The following VEGFB variants were observed in gnomAD, a reference collection of about 807,000 sequenced individuals.
The protein encoded by VEGFB is vascular endothelial growth factor B.
Under a neutral mutation model 22.5 loss-of-function variants are expected in VEGFB, and 24 were observed. The ratio of observed to expected loss-of-function variants is 1.07; its 90% CI spans 0.77 to 1.50. VEGFB has a LOEUF of 1.50. Ranked by LOEUF, VEGFB falls within the 40% of genes most tolerant of loss-of-function variation. VEGFB has a pLI of 0.00. For synonymous variants in VEGFB, 141 were observed against 117.4 expected (o/e 1.20, Z -1.30); for missense variants, 327 against 287.8 (o/e 1.14, Z -0.99).
In VEGFB at chr11:64,237,201, A is replaced by G. The variant is rs745334767; in HGVS notation, c.389A>G (p.Asp130Gly). The part of the protein sequence containing the change: ...SQCECRPKKK[D>G]SAVKPDRAAT... ...TTACTTTTCAGACCTAAAAAAAAGG[A>G]CAGTGCTGTGAAGCCAGACAGGTGA... Residue 130 changes from aspartate (D) to glycine (G), a missense_variant, in exon 5 of 7, where the codon GAC becomes GGC. Transcript: ENST00000309422. The G allele has an allele frequency of 3.1e-6, 5 of 1,607,178 alleles. No homozygotes were observed. In the South Asian group the frequency reaches 3.3e-5, roughly 11 times the overall value.
rs946052001 is a variant in VEGFB at position 64,234,772 on chromosome 11, C to T, written c.-62C>T. Reference sequence around the variant, plus strand: ...CGCCATGGGGCTCTGGCTGTCGCCGCCCCCCGCGCCGCCGGGCTAGGGCGA... The same window carrying T: ...CGCCATGGGGCTCTGGCTGTCGCCGTCCCCCGCGCCGCCGGGCTAGGGCGA... On this transcript the variant is annotated 5_prime_UTR_variant, in exon 1 of 7. Coordinates refer to ENST00000309422, the MANE Select transcript of VEGFB (RefSeq NM_003377.5). This position sits in a 1 kb window ranked among gnomAD's most constrained non-coding sequence, Gnocchi z 5.3. 3 of 793,898 alleles carry T rather than the reference C, an allele frequency of 3.8e-6. No individual in the cohort carries two copies. Among genetic ancestry groups the T allele is most frequent in the African/African-American group, 1.9e-5 (1 of 52,854 alleles). The allele number at this position is 793,898 out of a possible 1,614,324, so 49.2% of individuals were successfully genotyped here.
intron 4 of VEGFB, 49 bp downstream of exon 4, chr11:64,236,376 G>A (rs2030021169): frequency 1.3e-6 from 2 of 1,579,804 alleles, no homozygotes; most frequent in Non-Finnish European, 1.7e-6. Flanking sequence ...GGCTTGGGGG[G>A]TGCTGGGTAT....
chr11:64,236,277 C>G lies in VEGFB; in HGVS notation c.324C>G (p.Ser108Arg), dbSNP rs201075965. The G allele has an allele frequency of 6.2e-7, 1 of 1,613,972 alleles. No individual in the cohort carries two copies. The highest frequency in any genetic ancestry group is 1.3e-5 in the African/African-American group (1 of 75,052). ...RMQILMIRYP[S>R]SQLGEMSLEE... Reference sequence around the variant, plus strand: ...AGATCCTCATGATCCGGTACCCGAGCAGTCAGCTGGGGGAGATGTCCCTGG... The same window carrying G: ...AGATCCTCATGATCCGGTACCCGAGGAGTCAGCTGGGGGAGATGTCCCTGG... The change falls in exon 4 of 7, where the codon AGC becomes AGG. Residue 108 changes from serine to arginine, a missense_variant. Transcript: ENST00000309422.
At position 64,237,649 on chromosome 11, in the gene VEGFB, C is replaced by A; in HGVS notation, c.*16C>A. On this transcript the variant is annotated 3_prime_UTR_variant, in exon 6 of 7. Coordinates refer to ENST00000309422, the MANE Select transcript of VEGFB (RefSeq NM_003377.5). Reference sequence around the variant, plus strand: ...CGGGGCTTAGAGCTCAACCCAGACACCTGCAGGTGAGGCGTCTGTGGGGTG... The same window carrying A: ...CGGGGCTTAGAGCTCAACCCAGACAACTGCAGGTGAGGCGTCTGTGGGGTG... 1 of 1,527,814 alleles carries A rather than the reference C, an allele frequency of 6.5e-7. No homozygotes were observed. Among genetic ancestry groups the A allele is most frequent in the Non-Finnish European group, 8.8e-7 (1 of 1,136,544 alleles). 94.6% of individuals were successfully genotyped at this position (1,527,814 alleles called of 1,614,324 possible). A position where few individuals can be genotyped will look rare whatever the true frequency, so the allele number is the denominator to read the frequency against.
intron 2 of VEGFB, 71 bp from the exon 3 acceptor site, chr11:64,235,742 G>A: frequency 6.4e-7 from 1 of 1,571,844 alleles, no homozygotes; most frequent in South Asian, 1.1e-5. Context: ...CTTGGGGACT[G>A]GGGAGGACAG....
chr11:64,236,067 G>C, intron 3 of VEGFB, 58 bp downstream of exon 3: 1 of 1,537,898 alleles, frequency 6.5e-7, no homozygotes, highest in South Asian at 1.2e-5. Flanking sequence ...GTGGGGCAGC[G>C]GGCAGGGTGG....
At position 64,235,974 on chromosome 11, in the gene VEGFB, T is replaced by C; in HGVS notation, c.265T>C (p.Cys89Arg). 6.2e-7 allele frequency: 1 copy of C among 1,607,094 alleles called. No homozygotes were observed. Among genetic ancestry groups the C allele is most frequent in the African/African-American group, 1.3e-5 (1 of 74,792 alleles). ...GGCCPDDGLE[C>R]VPTGQHQVRM... ...CTGCTGCCCTGACGATGGCCTGGAG[T>C]GTGTGCCCACTGGGCAGCACCAAGT... Residue 89 changes from cysteine (C) to arginine (R), a missense_variant, in exon 3 of 7, where the codon TGT (cysteine) becomes CGT (arginine). Transcript: ENST00000309422.
At position 64,238,422 on chromosome 11, in the gene VEGFB, A is replaced by G; in HGVS notation, c.*89A>G. 1.3e-6 allele frequency: 2 copies of G among 1,535,916 alleles called. No individual in the cohort carries two copies. Among genetic ancestry groups the G allele is most frequent in the Non-Finnish European group, 8.7e-7 (1 of 1,146,672 alleles). On this transcript the variant is annotated 3_prime_UTR_variant, in exon 7 of 7. Coordinates refer to ENST00000309422, the MANE Select transcript of VEGFB (RefSeq NM_003377.5). ...AGCAGGGTGACTTGCCTCAGAGGCT[A>G]TATCCCAGTGGGGGAACAAAGAGGA... is the stretch of plus-strand genomic sequence containing the variant.
At chr11:64,237,006 C>G (rs558676492) in intron 4 of VEGFB, 181 bp from the exon 5 acceptor site, 8 of 458,308 alleles carry the variant, frequency 1.7e-5, no homozygotes, top group African/African-American at 9.5e-5. Context: ...TAGCTTGAAC[C>G]TGGGAGGCGG....
intron 6 of VEGFB, among the ~76,000 whole-genome samples, chr11:64,238,069 T>C (rs1385340717): frequency 1.3e-5 from 2 of 152,138 alleles, no homozygotes; most frequent in Non-Finnish European, 2.9e-5. Context: ...GGGGACATAG[T>C]GGAACCCTTG....
At chr11:64,235,789 T>G (rs186711632) in intron 2 of VEGFB, 24 bp from the exon 3 acceptor site, 2 of 1,613,048 alleles carry the variant, frequency 1.2e-6, no homozygotes, top group Non-Finnish European at 1.7e-6. Context: ...AGTGAGGACT[T>G]AACCCCTACC....
chr11:64,237,310 C>A, intron 5 of VEGFB, 88 bp downstream of exon 5: 1 of 1,499,524 alleles, frequency 6.7e-7, no homozygotes, highest in Non-Finnish European at 9.3e-7. Flanking sequence ...TCCCACCCGT[C>A]CCCCACTTTC....
At position 64,234,917 on chromosome 11, in the gene VEGFB, C is replaced by A; in HGVS notation, c.60+24C>A. 7.9e-7 allele frequency: 1 copy of A among 1,269,182 alleles called. No individual in the cohort carries two copies. The highest frequency in any genetic ancestry group is 2.6e-5 in the South Asian group (1 of 38,052). The allele number at this position is 1,269,182 out of a possible 1,614,324, so 78.6% of individuals were successfully genotyped here. On this transcript the variant is annotated intron_variant, in intron 1 of 6. Transcript: ENST00000309422. This position sits in a 1 kb window ranked among gnomAD's most constrained non-coding sequence, Gnocchi z 5.3. ...AGGTACGTGCGGCCCGACAGCGCGCCCGCCCGCCCGCCGTGCCCTCTCTCA... is the reference window on the plus strand; with the variant it reads ...AGGTACGTGCGGCCCGACAGCGCGCACGCCCGCCCGCCGTGCCCTCTCTCA...
At chr11:64,235,601 C>A in intron 2 of VEGFB, 101 bp downstream of exon 2, 2 of 1,364,312 alleles carry the variant, frequency 1.5e-6, no homozygotes, top group Non-Finnish European at 2.1e-6. Context: ...CTAGAAGATT[C>A]AAACTATTAT....
Position 64,236,290 on chromosome 11 carries a change from G to A in VEGFB, c.337G>A (p.Glu113Lys), listed in dbSNP as rs1413507210. 1.1e-5 allele frequency: 17 copies of A among 1,613,828 alleles called. No individual in the cohort carries two copies. The highest frequency in any genetic ancestry group is 2.7e-5 in the African/African-American group (2 of 74,936). ...MIRYPSSQLGEMSLEEHSQCE... is the reference protein window; with the variant it reads ...MIRYPSSQLGKMSLEEHSQCE... ...CCGGTACCCGAGCAGTCAGCTGGGGGAGATGTCCCTGGAAGAACACAGCCA... is the reference window on the plus strand; with the variant it reads ...CCGGTACCCGAGCAGTCAGCTGGGGAAGATGTCCCTGGAAGAACACAGCCA... The change falls in exon 4 of 7, where the codon GAG (glutamate) becomes AAG (lysine). Residue 113 changes from glutamate (E) to lysine (K), a missense_variant. By Grantham distance (56) the Glu-to-Lys change is moderately conservative. Transcript: ENST00000309422.
rs1317154869 is a variant in VEGFB, at chr11:64,237,040, G to A, written c.375-147G>A. Reference sequence around the variant, plus strand: ...GGAGGTTGCAGTGAGCCGAGACCACGCCACTGCACTCCAGCCTGGGCAAGA... The same window carrying A: ...GGAGGTTGCAGTGAGCCGAGACCACACCACTGCACTCCAGCCTGGGCAAGA... On this transcript the variant is annotated intron_variant, in intron 4 of 6. Transcript: ENST00000309422. 1.1e-4 allele frequency: 69 copies of A among 628,588 alleles called. 13 individuals are homozygous for A. The highest frequency in any genetic ancestry group is 7.3e-5 in the African/African-American group (4 of 55,106). The allele number at this position is 628,588 out of a possible 1,614,324, so 38.9% of individuals were successfully genotyped here. A position where few individuals can be genotyped will look rare whatever the true frequency, so the allele number is the denominator to read the frequency against.
rs530578702 is a variant in VEGFB at position 64,235,008 on chromosome 11, G to T, written c.60+115G>T. 6.3e-5 allele frequency: 57 copies of T among 903,608 alleles called. 1 individual carries two copies. The South Asian group carries it at 2.8e-3, about 44-fold the overall frequency. The allele number at this position is 903,608 out of a possible 1,614,324, so 56.0% of individuals were successfully genotyped here. Reference sequence around the variant, plus strand: ...AGGGGATCTGCGGGGTCCGGCCTTGGACGCGGGCGTCTCGGGGGCCCGGCG... The same window carrying T: ...AGGGGATCTGCGGGGTCCGGCCTTGTACGCGGGCGTCTCGGGGGCCCGGCG... On this transcript the variant is annotated intron_variant, in intron 1 of 6. Coordinates refer to ENST00000309422, the MANE Select transcript of VEGFB (RefSeq NM_003377.5).
intron 5 of VEGFB, 70 bp from the exon 6 acceptor site, chr11:64,237,350 C>T (rs1279603450): frequency 6.6e-7 from 1 of 1,522,308 alleles, no homozygotes; most frequent in Non-Finnish European, 9.0e-7. Flanking sequence ...AGCCTGTGTT[C>T]TCTGCCCCGA....
At position 64,238,820 on chromosome 11, in the gene VEGFB, T is replaced by C. The variant is rs594942; in HGVS notation, c.*487T>C. 0.67 allele frequency: 131,674 copies of C among 196,930 alleles called. 44,242 individuals carry two copies. The highest frequency in any genetic ancestry group is 0.81 in the South Asian group (9,626 of 11,836). The allele number at this position is 196,930 out of a possible 1,614,324, so 12.2% of individuals were successfully genotyped here. A position where few individuals can be genotyped will look rare whatever the true frequency, so the allele number is the denominator to read the frequency against. On this transcript the variant is annotated 3_prime_UTR_variant, in exon 7 of 7. Transcript: ENST00000309422. ...CTGCCTGTGTCACTGTTTGTCACTGTCCAGGCTGGCTGGTTTGGGCATGAA... is the reference window on the plus strand; with the variant it reads ...CTGCCTGTGTCACTGTTTGTCACTGCCCAGGCTGGCTGGTTTGGGCATGAA...
Sources: allele counts gnomAD v4.1 joint callset (sites outside exome capture counted in the v4.1 genomes callset), GRCh38; gene constraint gnomAD v4.1.1; non-coding constraint Gnocchi (gnomAD v3.1); transcripts MANE v1.5; gene names NCBI Gene and HGNC (gene_info 2026-07-23, HGNC 2026-07-21).